The following UNC13C variants were observed in gnomAD, a reference collection of about 807,000 sequenced individuals.
UNC13C encodes protein unc-13 homolog C.
A neutral mutation model predicts 245.4 loss-of-function variants in UNC13C; 174 were observed. The observed-to-expected ratio is 0.71, with a 90% confidence interval of 0.63 to 0.80. UNC13C has a LOEUF of 0.80. Among genes scored for constraint, UNC13C ranks in the 30% least tolerant of loss-of-function variants. UNC13C has a pLI of 0.00. For missense variants in UNC13C, 2,829 were observed against 2,602.9 expected (o/e 1.09, Z -1.89); for synonymous variants, 992 against 895.1 (o/e 1.11, Z -1.93).
intron 10 of UNC13C, among the ~76,000 whole-genome samples, chr15:54,280,859 G>T (rs921822249): frequency 1.3e-5 from 2 of 151,360 alleles, no homozygotes; most frequent in East Asian, 3.9e-4. Context: ...GCACAATGGC[G>T]CAATCTCTGC....
At chr15:54,341,492 G>A (rs1225089099) in intron 17 of UNC13C, among the ~76,000 whole-genome samples, 1 of 152,060 alleles carries the variant, frequency 6.6e-6, no homozygotes, top group African/African-American at 2.4e-5. Context: ...CCTGGGTAAG[G>A]GGATCAGTCG....
intron 19 of UNC13C, among the ~76,000 whole-genome samples, chr15:54,454,546 C>G (rs1891364780): frequency 6.9e-6 from 1 of 145,148 alleles, no homozygotes; most frequent in East Asian, 2.0e-4. Context: ...CCATTATACT[C>G]CAGCCCAGGC....
At position 54,012,852 on chromosome 15, in the gene UNC13C, C is replaced by T; in HGVS notation, c.-52C>T. The T allele has an allele frequency of 2.1e-6, 3 of 1,405,364 alleles. No homozygotes were observed. Among genetic ancestry groups the T allele is most frequent in the South Asian group, 2.8e-5 (2 of 72,210 alleles). The allele number at this position is 1,405,364 out of a possible 1,614,324, so 87.1% of individuals were successfully genotyped here. On this transcript the variant is annotated 5_prime_UTR_variant, in exon 2 of 33. Transcript: ENST00000260323. ...TGCCTTGGATTTTCAGGTTTTCATC[C>T]TGATACTTGTTTACTTTTCTGGGGC...
intron 4 of UNC13C, among the ~76,000 whole-genome samples, chr15:54,151,138 G>A (rs1032984777): frequency 1.3e-5 from 2 of 152,088 alleles, no homozygotes; most frequent in Non-Finnish European, 2.9e-5. Context: ...CGGTTGATCA[G>A]GGATACTGTA....
intron 2 of UNC13C, among the ~76,000 whole-genome samples, chr15:54,034,470 T>A (rs1250422730): frequency 2.0e-5 from 3 of 151,848 alleles, no homozygotes; most frequent in African/African-American, 7.3e-5. Context: ...GTATTAACTC[T>A]GTTTTCTTCA....
At chr15:54,095,191 A>G (rs547802418) in intron 2 of UNC13C, among the ~76,000 whole-genome samples, 90 of 152,308 alleles carry the variant, frequency 5.9e-4, no homozygotes, top group African/African-American at 2.1e-3. Flanking sequence ...TTTTCTTTAG[A>G]TTTCTCAGGC....
intron 4 of UNC13C, among the ~76,000 whole-genome samples, chr15:54,216,387 A>G (rs760658122): frequency 3.3e-5 from 5 of 152,012 alleles, no homozygotes; most frequent in African/African-American, 7.2e-5. Context: ...GGTAATACAC[A>G]AAACAGAGAC....
intron 30 of UNC13C, among the ~76,000 whole-genome samples, chr15:54,582,185 G>T (rs1555398104): frequency 2.6e-5 from 4 of 152,166 alleles, no homozygotes; most frequent in Non-Finnish European, 4.4e-5. Context: ...CAGGAATGGA[G>T]AAAAGGGATG....
chr15:53,930,191 A>G, the UNC13C span, among the ~76,000 whole-genome samples: 1 of 152,122 alleles, frequency 6.6e-6, no homozygotes, highest in Non-Finnish European at 1.5e-5. Flanking sequence ...CTCTCTCCAC[A>G]GTTTCTTCAC....
chr15:54,133,209 G>A (rs4774684), intron 2 of UNC13C, among the ~76,000 whole-genome samples: 55,725 of 151,892 alleles, frequency 0.37, 10,296 homozygotes, highest in Admixed American at 0.39. Context: ...ACTTATATAT[G>A]AAGGAAAACT....
At chr15:54,388,207 C>T (rs1337006424) in intron 17 of UNC13C, among the ~76,000 whole-genome samples, 7 of 152,032 alleles carry the variant, frequency 4.6e-5, no homozygotes, top group Non-Finnish European at 8.8e-5. Context: ...TTCCTTCCTT[C>T]CTCCAGACCA....
chr15:54,080,030 G>C (rs980022351), intron 2 of UNC13C, among the ~76,000 whole-genome samples: 2 of 108,754 alleles, frequency 1.8e-5, no homozygotes, highest in Admixed American at 1.0e-4. Context: ...TTATCATAAA[G>C]TGATGTTGGA....
At chr15:54,239,565 C>T (rs1169267045) in intron 7 of UNC13C, among the ~76,000 whole-genome samples, 1 of 152,184 alleles carries the variant, frequency 6.6e-6, no homozygotes, top group Admixed American at 6.5e-5. Context: ...ATCCTCTGGC[C>T]TCTGCCTTCT....
intron 4 of UNC13C, among the ~76,000 whole-genome samples, chr15:54,187,795 T>A (rs1234553021): frequency 6.6e-6 from 1 of 152,094 alleles, no homozygotes; most frequent in African/African-American, 2.4e-5. Context: ...GGATTCACAC[T>A]GTATGTTTTG....
At chr15:54,428,814 T>A (rs1444045963) in intron 19 of UNC13C, among the ~76,000 whole-genome samples, 1 of 151,582 alleles carries the variant, frequency 6.6e-6, no homozygotes, top group Non-Finnish European at 1.5e-5. Context: ...CTTCCCCAAA[T>A]ATTGATAGAT....
At chr15:53,897,323 G>C in the UNC13C span, among the ~76,000 whole-genome samples, 1 of 152,276 alleles carries the variant, frequency 6.6e-6, no homozygotes, top group South Asian at 2.1e-4. Context: ...GGTAAAAATA[G>C]AGATTAAGAT....
intron 2 of UNC13C, among the ~76,000 whole-genome samples, chr15:54,067,131 T>G (rs534325051): frequency 6.6e-6 from 1 of 152,146 alleles, no homozygotes; most frequent in Non-Finnish European, 1.5e-5. Flanking sequence ...TTGGTTCGAT[T>G]TGATGACTGA....
chr15:53,850,405 A>T, the UNC13C span, among the ~76,000 whole-genome samples: 1 of 152,050 alleles, frequency 6.6e-6, no homozygotes, highest in African/African-American at 2.4e-5. Context: ...ACAGAGCAAG[A>T]CGCTGTCTCT....
At chr15:54,201,118 A>T (rs1402342638) in intron 4 of UNC13C, among the ~76,000 whole-genome samples, 2 of 152,122 alleles carry the variant, frequency 1.3e-5, no homozygotes, top group African/African-American at 4.8e-5. Context: ...AACCAGGAAG[A>T]TATAGAATCT....
Sources: allele counts gnomAD v4.1 joint callset (sites outside exome capture counted in the v4.1 genomes callset), GRCh38; gene constraint gnomAD v4.1.1; transcripts MANE v1.5; gene names NCBI Gene and HGNC (gene_info 2026-07-23, HGNC 2026-07-21).